The following DCUN1D1 variants were observed in gnomAD, a reference collection of about 807,000 sequenced individuals.
DCUN1D1 encodes the protein DCN1-like protein 1.
In DCUN1D1, 3 loss-of-function variants were observed where a neutral mutation model predicts 39.0. That is an observed-to-expected ratio of 0.08 (90% CI 0.04 to 0.20). The LOEUF is 0.20. Among genes scored for constraint, DCUN1D1 ranks in the 10% least tolerant of loss-of-function variants. The probability of loss-of-function intolerance (pLI) is 1.00; values close to 1 mark genes in which losing one functional copy is unlikely to be tolerated. For missense variants in DCUN1D1, 158 were observed against 302.4 expected (o/e 0.52, Z 3.54); for synonymous variants, 82 against 96.3 (o/e 0.85, Z 0.87).
intron 4 of DCUN1D1, among the ~76,000 whole-genome samples, chr3:182,954,203 A>G (rs1726908852): frequency 6.6e-6 from 1 of 152,240 alleles, no homozygotes; most frequent in African/African-American, 2.4e-5. Flanking sequence ...ATGTGTGTAC[A>G]TCCATCTACT....
At chr3:182,972,376 A>G (rs151090453) in intron 1 of DCUN1D1, among the ~76,000 whole-genome samples, 310 of 152,330 alleles carry the variant, frequency 2.0e-3, no homozygotes, top group African/African-American at 7.1e-3. Context: ...AAACCCTCAT[A>G]GTACTCTTAT....
Position 182,944,834 on chromosome 3 carries a change from G to A in DCUN1D1, c.*260C>T. 1 of 374,268 alleles carries A rather than the reference G, an allele frequency of 2.7e-6. No individual in the cohort carries two copies. The highest frequency in any genetic ancestry group is 4.9e-6 in the Non-Finnish European group (1 of 205,984). The allele number at this position is 374,268 out of a possible 1,614,324, so 23.2% of individuals were successfully genotyped here. A position where few individuals can be genotyped will look rare whatever the true frequency, so the allele number is the denominator to read the frequency against. ...ACTTATGGGAGAATAAACTAGGATGGTCCACAGATATAAGATGAAATCCAC... is the reference window on the plus strand; with the variant it reads ...ACTTATGGGAGAATAAACTAGGATGATCCACAGATATAAGATGAAATCCAC... On this transcript the variant is annotated 3_prime_UTR_variant, in exon 7 of 7. Coordinates refer to ENST00000292782, the MANE Select transcript of DCUN1D1 (RefSeq NM_020640.4).
Position 182,939,692 on chromosome 3 carries a change from G to A in DCUN1D1, c.*5402C>T, listed in dbSNP as rs1443509437. 2 of 152,244 alleles carry A rather than the reference G, an allele frequency of 1.3e-5. No homozygotes were observed. Among genetic ancestry groups the A allele is most frequent in the Non-Finnish European group, 2.9e-5 (2 of 68,064 alleles). The allele number at this position is 152,244 out of a possible 1,614,324, so 9.4% of individuals were successfully genotyped here. ...ATCAGTGTGGCTGCGTGGGGCTGGA[G>A]GCAGGAGCAAATTAACCGCAGAGCA... is the stretch of plus-strand genomic sequence containing the variant. On this transcript the variant is annotated 3_prime_UTR_variant, in exon 7 of 7. Coordinates refer to ENST00000292782, the MANE Select transcript of DCUN1D1 (RefSeq NM_020640.4).
chr3:182,964,081 T>A lies in DCUN1D1; in HGVS notation c.221-32A>T, dbSNP rs750109958. On this transcript the variant is annotated intron_variant, in intron 2 of 6. Transcript: ENST00000292782. ...AAATAACAATGCAATATTAAAGTAG[T>A]GTCATATTATGCTACATTATGAAAA... 4 of 1,554,618 alleles carry A rather than the reference T, an allele frequency of 2.6e-6. No homozygotes were observed. The South Asian group carries it at 3.4e-5, about 13-fold the overall frequency.
Position 182,964,635 on chromosome 3 carries a change from C to CTTT in DCUN1D1, c.221-589_221-587dup, listed in dbSNP as rs951243180. 3.4e-3 allele frequency among the ~76,000 whole-genome samples: 367 copies of CTTT among 107,452 alleles called. 3 individuals are homozygous for CTTT. Among genetic ancestry groups the CTTT allele is most frequent in the African/African-American group, 6.7e-3 (177 of 26,508 alleles). 70.5% of individuals were successfully genotyped at this position (107,452 alleles called of 152,430 possible). A position where few individuals can be genotyped will look rare whatever the true frequency, so the allele number is the denominator to read the frequency against. ...TCAAATATGATTTACTAACACCTTT[C>CTTT]TTTTTTTTTTTTTTTTTTTTTTTGA... On this transcript the variant is annotated intron_variant, in intron 2 of 6. Coordinates refer to ENST00000292782, the MANE Select transcript of DCUN1D1 (RefSeq NM_020640.4).
At chr3:182,980,154 C>A in intron 1 of DCUN1D1, 1 of 651,956 alleles carries the variant, frequency 1.5e-6, no homozygotes, top group Non-Finnish European at 1.9e-6. Context: ...TGCCCCCTCC[C>A]CTCCCCCCGC....
At chr3:182,975,375 A>T (rs905396917) in intron 1 of DCUN1D1, among the ~76,000 whole-genome samples, 1 of 151,752 alleles carries the variant, frequency 6.6e-6, no homozygotes, top group South Asian at 2.1e-4. Flanking sequence ...ATGGGGTTTC[A>T]CCGTGTTAGC....
At chr3:182,965,409 A>C (rs1176483983) in intron 2 of DCUN1D1, 128 bp downstream of exon 2, 3 of 530,198 alleles carry the variant, frequency 5.7e-6, no homozygotes, top group Non-Finnish European at 6.6e-6. Context: ...AAATAACTCT[A>C]AGATCTACAG....
chr3:182,979,606 C>CCG lies in DCUN1D1; in HGVS notation c.3+880_3+881insCG, dbSNP rs1560185315. The stretch of plus-strand genomic sequence containing the variant: ...AAGCCTGGAGAGGACTTTTTCCCCC[C>CCG]CCCAAACAAAAAAGGAGAGTAACTT... On this transcript the variant is annotated intron_variant, in intron 1 of 6. Coordinates refer to ENST00000292782, the MANE Select transcript of DCUN1D1 (RefSeq NM_020640.4). 2.0e-5 allele frequency among the ~76,000 whole-genome samples: 3 copies of CCG among 147,886 alleles called. No individual in the cohort carries two copies. The East Asian group carries it at 6.0e-4, about 30-fold the overall frequency.
chr3:182,962,385 C>G (rs1425123436), intron 3 of DCUN1D1, among the ~76,000 whole-genome samples: 1 of 152,202 alleles, frequency 6.6e-6, no homozygotes, highest in Non-Finnish European at 1.5e-5. Flanking sequence ...CTACCAAGAG[C>G]CAATGAAAGG....
chr3:182,945,969 C>A (rs1381584014), intron 6 of DCUN1D1, among the ~76,000 whole-genome samples: 6 of 151,650 alleles, frequency 4.0e-5, no homozygotes, highest in Non-Finnish European at 7.4e-5. Context: ...TAACATCATC[C>A]CTGATTAGCC....
chr3:182,984,129 C>CAGA (rs1728651110), upstream of DCUN1D1, among the ~76,000 whole-genome samples: 1 of 152,200 alleles, frequency 6.6e-6, no homozygotes. Context: ...TAACTGATGT[C>CAGA]TGTCTTAAGA....
At chr3:182,954,232 G>A (rs1190989282) in intron 4 of DCUN1D1, among the ~76,000 whole-genome samples, 1 of 151,996 alleles carries the variant, frequency 6.6e-6, no homozygotes, top group Non-Finnish European at 1.5e-5. Flanking sequence ...AAGAAAACGT[G>A]GTAAAATGTT....
intron 4 of DCUN1D1, among the ~76,000 whole-genome samples, chr3:182,958,102 T>C (rs1727185740): frequency 6.6e-6 from 1 of 152,130 alleles, no homozygotes; most frequent in Non-Finnish European, 1.5e-5. Flanking sequence ...CTCTGCCAAA[T>C]CTTGTAATTT....
chr3:182,947,753 C>A, intron 4 of DCUN1D1, 121 bp from the exon 5 acceptor site: 1 of 605,152 alleles, frequency 1.7e-6, no homozygotes, highest in Admixed American at 3.6e-5. Flanking sequence ...AACTTGTATC[C>A]TGAATACTTA....
In DCUN1D1 at chr3:182,980,468, G is replaced by A; in HGVS notation, c.3+19C>T. The A allele has an allele frequency of 8.5e-7, 1 of 1,175,952 alleles. No individual in the cohort carries two copies. The highest frequency in any genetic ancestry group is 1.1e-6 in the Non-Finnish European group (1 of 939,530). 72.8% of individuals were successfully genotyped at this position (1,175,952 alleles called of 1,614,324 possible). A position where few individuals can be genotyped will look rare whatever the true frequency, so the allele number is the denominator to read the frequency against. On this transcript the variant is annotated intron_variant, in intron 1 of 6. Transcript: ENST00000292782. ...CGGCCCCCAGCCGGCAGGGCGGGCG[G>A]GCGGCCGCAGTGCCTCACCATGTTG... is the stretch of plus-strand genomic sequence containing the variant.
intron 4 of DCUN1D1, among the ~76,000 whole-genome samples, chr3:182,948,203 A>G (rs1726516073): frequency 1.3e-5 from 2 of 152,218 alleles, no homozygotes; most frequent in East Asian, 3.8e-4. Context: ...CTGCTCTTCA[A>G]TCCTAAGTAA....
At chr3:182,982,304 G>T (rs561757035), upstream of DCUN1D1, among the ~76,000 whole-genome samples, 67 of 152,170 alleles carry the variant, frequency 4.4e-4, no homozygotes, top group African/African-American at 1.5e-3. Flanking sequence ...ACGTCCTTCT[G>T]TATACAGCCT....
At chr3:182,979,390 CAA>C (rs1258489239) in intron 1 of DCUN1D1, among the ~76,000 whole-genome samples, 7 of 152,160 alleles carry the variant, frequency 4.6e-5, no homozygotes, top group African/African-American at 1.4e-4. Flanking sequence ...ACACCCTCCT[CAA>C]AGAGGCCTTT....
Sources: allele counts gnomAD v4.1 joint callset (sites outside exome capture counted in the v4.1 genomes callset), GRCh38; gene constraint gnomAD v4.1.1; transcripts MANE v1.5; gene names NCBI Gene and HGNC (gene_info 2026-07-23, HGNC 2026-07-21).